STRN: variants seen among roughly 807,000 people sequenced by gnomAD.
STRN encodes the protein protein phosphatase 2 regulatory subunit B'''alpha.
A neutral mutation model predicts 96.3 loss-of-function variants in STRN; 53 were observed. The ratio of observed to expected loss-of-function variants is 0.55; its 90% CI spans 0.44 to 0.69. The LOEUF is 0.69. Ranked by LOEUF, STRN falls within the 30% of genes least tolerant of loss-of-function variation. The probability of loss-of-function intolerance (pLI) is 0.00; values close to 1 mark genes in which losing one functional copy is unlikely to be tolerated. For synonymous variants in STRN, 428 were observed against 355.9 expected (o/e 1.20, Z -2.28); for missense variants, 987 against 963.9 (o/e 1.02, Z -0.32).
chr2:36,881,138 T>C (rs1669059321), intron 9 of STRN, among the ~76,000 whole-genome samples: 1 of 147,328 alleles, frequency 6.8e-6, no homozygotes, highest in South Asian at 2.2e-4. Context: ...TTTTTTTTTT[T>C]TTTTTTTAAG....
chr2:36,929,414 C>A (rs549872643), intron 1 of STRN, among the ~76,000 whole-genome samples: 2 of 150,678 alleles, frequency 1.3e-5, no homozygotes, highest in African/African-American at 4.9e-5. Context: ...GACGGAGTCT[C>A]GCTCTGTCGC....
intron 4 of STRN, 27 bp from the exon 5 acceptor site, chr2:36,902,778 A>G: frequency 6.5e-7 from 1 of 1,548,862 alleles, no homozygotes; most frequent in Non-Finnish European, 8.7e-7. Context: ...CTTAGAGTTC[A>G]GTCATACTGG....
At position 36,855,298 on chromosome 2, in the gene STRN, A is replaced by G; in HGVS notation, c.1892T>C (p.Val631Ala). The change falls in exon 15 of 18, where the codon GTA (valine) becomes GCA (alanine). Residue 631 changes from valine (V) to alanine (A), a missense_variant. Physicochemically the swap from Val to Ala is moderately conservative, Grantham distance 64. Transcript: ENST00000263918. ...DLVSSDPSHM[V>A]ASFSKGYTSI... is the part of the protein sequence containing the mutation. The stretch of plus-strand genomic sequence containing the variant: ...TGTATATCCCTTGCTGAATGATGCT[A>G]CCATATGGCTCGGGTCACTGCTCAC... 1 of 1,613,872 alleles carries G rather than the reference A, an allele frequency of 6.2e-7. No individual in the cohort carries two copies.
chr2:36,930,549 G>C (rs1166520004), intron 1 of STRN, among the ~76,000 whole-genome samples: 1 of 152,060 alleles, frequency 6.6e-6, no homozygotes, highest in Non-Finnish European at 1.5e-5. Context: ...TGCTCATTCA[G>C]TAGGTCTGGA....
chr2:36,954,023 TTAAAAA>T (rs983016909), intron 1 of STRN, among the ~76,000 whole-genome samples: 1 of 151,166 alleles, frequency 6.6e-6, no homozygotes, highest in Non-Finnish European at 1.5e-5. Context: ...AAAATAAAAA[TTAAAAA>T]TAAACTAAAA....
In STRN at chr2:36,904,304, G is replaced by A. The variant is rs569203948; in HGVS notation, c.491+1236C>T. Among the ~76,000 whole-genome samples the A allele has an allele frequency of 3.3e-5, 5 of 152,166 alleles. No homozygotes were observed. In the East Asian group the frequency reaches 9.6e-4, roughly 29 times the overall value. On this transcript the variant is annotated intron_variant, in intron 4 of 17. Coordinates refer to ENST00000263918, the MANE Select transcript of STRN (RefSeq NM_003162.4). ...TCTCTTTCCGTAGTCAAAAGTAATA[G>A]CTGCTATACATCCACTTTGGAAACC...
At chr2:36,957,754 T>TTG (rs1553407246) in intron 1 of STRN, among the ~76,000 whole-genome samples, 2 of 99,768 alleles carry the variant, frequency 2.0e-5, no homozygotes, top group Non-Finnish European at 4.2e-5. Context: ...CTTTTTTTTT[T>TTG]TTTTTTTTTT....
intron 9 of STRN, among the ~76,000 whole-genome samples, chr2:36,880,560 A>G (rs1026883255): frequency 2.6e-5 from 4 of 152,256 alleles, no homozygotes; most frequent in African/African-American, 9.6e-5. Context: ...ACAATACAGT[A>G]GCAAAAATAA....
chr2:36,877,195 TA>T (rs1212892209), intron 10 of STRN, among the ~76,000 whole-genome samples: 1 of 152,204 alleles, frequency 6.6e-6, no homozygotes, highest in Non-Finnish European at 1.5e-5. Flanking sequence ...TACTACTAAT[TA>T]AAATCTCTTC....
In STRN at chr2:36,838,356, T is replaced by C. The variant is rs1320648260; in HGVS notation, c.*11100A>G. 1.3e-5 allele frequency among the ~76,000 whole-genome samples: 2 copies of C among 152,184 alleles called. No individual in the cohort carries two copies. The highest frequency in any genetic ancestry group is 2.4e-5 in the African/African-American group (1 of 41,458). On this transcript the variant is annotated 3_prime_UTR_variant, in exon 18 of 18. Transcript: ENST00000263918. ...ACTTTCATTTCAGCCTTGTTGGGCCTTGAACAGACAGCCCAGTTGAGTTTC... is the reference window on the plus strand; with the variant it reads ...ACTTTCATTTCAGCCTTGTTGGGCCCTGAACAGACAGCCCAGTTGAGTTTC...
In STRN at chr2:36,966,278, G is replaced by T; in HGVS notation, c.186C>A (p.Arg62=). ...ILHFLQHEWA[R]FEVERAQWEV... Reference sequence around the variant, plus strand: ...CCCACTGGGCTCTCTCCACCTCGAAGCGGGCCCACTCGTGCTGCAGGAAGT... The same window carrying T: ...CCCACTGGGCTCTCTCCACCTCGAATCGGGCCCACTCGTGCTGCAGGAAGT... Residue 62 remains arginine (R), a synonymous_variant, in exon 1 of 18, where the codon CGC becomes CGA. Coordinates refer to ENST00000263918, the MANE Select transcript of STRN (RefSeq NM_003162.4). 6.3e-7 allele frequency: 1 copy of T among 1,586,804 alleles called. No individual in the cohort carries two copies. The highest frequency in any genetic ancestry group is 1.1e-5 in the South Asian group (1 of 88,286).
In STRN at chr2:36,846,470, T is replaced by C. The variant is rs1355935499; in HGVS notation, c.*2986A>G. The C allele has an allele frequency of 1.4e-5, 2 of 140,422 alleles. No homozygotes were observed. Among genetic ancestry groups the C allele is most frequent in the South Asian group, 2.2e-4 (1 of 4,544 alleles). 8.7% of individuals were successfully genotyped at this position (140,422 alleles called of 1,614,324 possible). A position where few individuals can be genotyped will look rare whatever the true frequency, so the allele number is the denominator to read the frequency against. On this transcript the variant is annotated 3_prime_UTR_variant, in exon 18 of 18. Transcript: ENST00000263918. The stretch of plus-strand genomic sequence containing the variant: ...ATATTCTTACAATATATATAATATA[T>C]ATTTATAAAATATACATACATTTTA...
chr2:36,864,951 G>A (rs905327469), intron 12 of STRN, among the ~76,000 whole-genome samples: 8 of 152,152 alleles, frequency 5.3e-5, no homozygotes, highest in Non-Finnish European at 1.0e-4. Context: ...CTGATCTCAG[G>A]TGATCTACCC....
chr2:36,878,034 A>C lies in STRN; in HGVS notation c.1187-7T>G. ...GGAAATGTCAATGCTTCCACTGAAG[A>C]GGGAAGACAAAGGAAACATTAAAAA... On this transcript the variant is annotated splice_polypyrimidine_tract_variant and splice_region_variant and intron_variant, in intron 9 of 17. Coordinates refer to ENST00000263918, the MANE Select transcript of STRN (RefSeq NM_003162.4). 6.2e-7 allele frequency: 1 copy of C among 1,612,756 alleles called. No homozygotes were observed. The highest frequency in any genetic ancestry group is 8.5e-7 in the Non-Finnish European group (1 of 1,179,716).
intron 5 of STRN, among the ~76,000 whole-genome samples, chr2:36,899,939 G>GT (rs1669640819): frequency 6.6e-6 from 1 of 152,190 alleles, no homozygotes; most frequent in Non-Finnish European, 1.5e-5. Flanking sequence ...ACCCACGGTA[G>GT]AGTGCAGTAG....
In STRN at chr2:36,883,990, T is replaced by C; in HGVS notation, c.1128A>G (p.Ser376=). The C allele has an allele frequency of 6.9e-7, 1 of 1,444,848 alleles. No homozygotes were observed. The highest frequency in any genetic ancestry group is 9.1e-7 in the Non-Finnish European group (1 of 1,094,230). 89.5% of individuals were successfully genotyped at this position (1,444,848 alleles called of 1,614,324 possible). ...ELPSLQPSVG[S]PSRPSSSRLP... ...GCCTGGAGCTGCTGGGTCTGGAAGG[T>C]GAACCCACAGATGGCTGCAATGAAG... Residue 376 remains serine (S), a synonymous_variant, in exon 9 of 18, where the codon TCA becomes TCG. Coordinates refer to ENST00000263918, the MANE Select transcript of STRN (RefSeq NM_003162.4).
chr2:36,859,578 A>G (rs1668427027), intron 13 of STRN, among the ~76,000 whole-genome samples: 1 of 152,232 alleles, frequency 6.6e-6, no homozygotes, highest in African/African-American at 2.4e-5. Context: ...GTCAATCTGA[A>G]GCTTAAAGAT....
intron 7 of STRN, among the ~76,000 whole-genome samples, chr2:36,893,696 T>G (rs1005343897): frequency 6.6e-6 from 1 of 152,196 alleles, no homozygotes; most frequent in Non-Finnish European, 1.5e-5. Context: ...TGTTGTTGTT[T>G]TTTTTTCTTT....
chr2:36,875,792 G>C (rs1205170293), intron 10 of STRN, among the ~76,000 whole-genome samples: 1 of 151,248 alleles, frequency 6.6e-6, no homozygotes, highest in African/African-American at 2.4e-5. Context: ...GAGTAGCTGG[G>C]ACTACAGGCA....
Sources: gnomAD v4.1 joint callset for allele counts (sites outside exome capture counted in the v4.1 genomes callset) on GRCh38, gnomAD v4.1.1 for gene constraint, MANE v1.5 for transcripts, NCBI Gene and HGNC (gene_info 2026-07-23, HGNC 2026-07-21) for gene names.